The following SEM1 variants were observed in gnomAD, a reference collection of about 807,000 sequenced individuals.
The protein encoded by SEM1 is SEM1 26S proteasome subunit, also known as 26S proteasome complex subunit SEM1.
A neutral mutation model predicts 12.7 loss-of-function variants in SEM1; 3 were observed. The ratio of observed to expected loss-of-function variants is 0.24; its 90% CI spans 0.11 to 0.61. The LOEUF (loss-of-function observed/expected upper bound fraction) is 0.61, where lower values mean the gene tolerates loss of function less well. Among genes scored for constraint, SEM1 ranks in the 20% least tolerant of loss-of-function variants. The pLI is 0.88. For missense variants in SEM1, 59 were observed against 81.3 expected (o/e 0.73, Z 1.06); for synonymous variants, 30 against 27.8 (o/e 1.08, Z -0.25).
At chr7:96,601,213 G>A (rs1807187981) in intron 2 of SEM1, among the ~76,000 whole-genome samples, 2 of 152,186 alleles carry the variant, frequency 1.3e-5, no homozygotes, top group South Asian at 2.1e-4. Flanking sequence ...GGAACTTGGA[G>A]TTCATTAAGG....
chr7:96,616,093 T>C (rs748948255), intron 2 of SEM1, among the ~76,000 whole-genome samples: 1 of 152,198 alleles, frequency 6.6e-6, no homozygotes, highest in Non-Finnish European at 1.5e-5. Context: ...GGTACTTCTA[T>C]TTTCAGCTCT....
At chr7:96,560,253 T>C (rs1190785219) in intron 2 of SEM1, among the ~76,000 whole-genome samples, 1 of 152,218 alleles carries the variant, frequency 6.6e-6, no homozygotes, top group Non-Finnish European at 1.5e-5. Context: ...ACATATTGAT[T>C]AATTGCTCCT....
intron 2 of SEM1, among the ~76,000 whole-genome samples, chr7:96,562,871 T>C (rs1386247313): frequency 6.6e-6 from 1 of 152,178 alleles, no homozygotes; most frequent in African/African-American, 2.4e-5. Context: ...CTAAGCTTAG[T>C]GCAAATCATC....
chr7:96,590,405 T>G lies in SEM1; in HGVS notation c.171-83707A>C, dbSNP rs536699815. Among the ~76,000 whole-genome samples, 147 of 152,332 alleles carry G rather than the reference T, an allele frequency of 9.6e-4. 1 individual carries two copies. Among genetic ancestry groups the G allele is most frequent in the Non-Finnish European group, 1.6e-3 (106 of 68,024 alleles). On this transcript the variant is annotated intron_variant and NMD_transcript_variant, in intron 2 of 3. Coordinates refer to the SEM1 transcript ENST00000466986. ...AACTTAACTCCTTTGCCATTTTTAT[T>G]TCTACAAGTCACAGGAAACTCCACG... is the stretch of plus-strand genomic sequence containing the variant.
chr7:96,684,634 A>G (rs957226037), downstream of SEM1, among the ~76,000 whole-genome samples: 2 of 152,092 alleles, frequency 1.3e-5, no homozygotes, highest in African/African-American at 2.4e-5. Context: ...ATAAGTTTCT[A>G]TATTTTTGGC....
At chr7:96,547,752 G>A (rs986956162) in intron 2 of SEM1, among the ~76,000 whole-genome samples, 1 of 152,110 alleles carries the variant, frequency 6.6e-6, no homozygotes, top group Admixed American at 6.6e-5. Flanking sequence ...GATAGGAGTT[G>A]TAAAGTGGTA....
chr7:96,529,014 TAC>T, intron 2 of SEM1, among the ~76,000 whole-genome samples: 1 of 152,260 alleles, frequency 6.6e-6, no homozygotes. Context: ...CTATTGCCAA[TAC>T]AGTCTATCCT....
At chr7:96,501,335 A>G (rs1584714742), upstream of SEM1, among the ~76,000 whole-genome samples, 1 of 152,122 alleles carries the variant, frequency 6.6e-6, no homozygotes, top group Non-Finnish European at 1.5e-5. Context: ...ACCTTTAGTA[A>G]TATTAACTCC....
chr7:96,494,989 G>A (rs1803183678), intron 1 of SEM1, among the ~76,000 whole-genome samples: 1 of 127,782 alleles, frequency 7.8e-6, no homozygotes, highest in African/African-American at 3.0e-5. Context: ...GAAATTTTAT[G>A]AATATGTCAC....
chr7:96,696,101 T>G (rs146589778), intron 1 of SEM1: 175 of 152,034 alleles, frequency 1.2e-3, no homozygotes, highest in African/African-American at 4.1e-3. Flanking sequence ...TGGTACAATT[T>G]TTTTAGTTTA....
At chr7:96,555,066 C>A (rs367862412) in intron 2 of SEM1, among the ~76,000 whole-genome samples, 1 of 150,400 alleles carries the variant, frequency 6.6e-6, no homozygotes, top group African/African-American at 2.4e-5. Flanking sequence ...TTTTTTATTG[C>A]GTCTATTTGA....
intron 2 of SEM1, among the ~76,000 whole-genome samples, chr7:96,641,818 G>T (rs1563094393): frequency 6.6e-6 from 1 of 150,910 alleles, no homozygotes. Flanking sequence ...CTATTCTTGT[G>T]CTTTTTTTTA....
intron 2 of SEM1, among the ~76,000 whole-genome samples, chr7:96,628,271 C>T (rs1273395838): frequency 6.6e-6 from 1 of 151,984 alleles, no homozygotes; most frequent in East Asian, 1.9e-4. Flanking sequence ...CTTACTCCTG[C>T]CATTTTGTTA....
chr7:96,578,487 G>A (rs1806280206), intron 2 of SEM1, among the ~76,000 whole-genome samples: 1 of 152,084 alleles, frequency 6.6e-6, no homozygotes, highest in Non-Finnish European at 1.5e-5. Context: ...TGTATAGCCA[G>A]TGAAACATCT....
intron 2 of SEM1, among the ~76,000 whole-genome samples, chr7:96,692,460 C>T (rs919074146): frequency 1.3e-5 from 2 of 152,074 alleles, no homozygotes; most frequent in African/African-American, 4.8e-5. Flanking sequence ...AATAAATAGT[C>T]TAATAGCATA....
chr7:96,640,356 CT>C lies in SEM1; in HGVS notation c.171-17714del, dbSNP rs1369297962. ...CTTCCGTAGATGAATGAAAAATAAA[CT>C]GTGGTACATAAAGATAATGGACTAT... is the stretch of plus-strand genomic sequence containing the variant. On this transcript the variant is annotated intron_variant, in intron 2 of 2. Coordinates refer to the SEM1 transcript ENST00000417009. The surrounding 1 kb of genome is among the most constrained non-coding windows in gnomAD (Gnocchi z 4.0). Among the ~76,000 whole-genome samples the C allele has an allele frequency of 6.6e-6, 1 of 151,922 alleles. No homozygotes were observed. Among genetic ancestry groups the C allele is most frequent in the Admixed American group, 6.6e-5 (1 of 15,214 alleles).
In SEM1 at chr7:96,659,921, A is replaced by AAAC. The variant is rs1554430845; in HGVS notation, c.170+34876_170+34877insGTT. ...GAAAGAAAGTAAGATGGCAAAAAAA[A>AAAC]AAAAAAAAACAAAAACAAGCCCAAA... On this transcript the variant is annotated intron_variant, in intron 2 of 2. Coordinates refer to the SEM1 transcript ENST00000417009. Among the ~76,000 whole-genome samples the AAAC allele has an allele frequency of 1.1e-3, 157 of 148,406 alleles. 3 individuals are homozygous for AAAC. In the East Asian group the frequency reaches 0.024, roughly 23 times the overall value.
chr7:96,499,955 A>C (rs1222444432), upstream of SEM1, among the ~76,000 whole-genome samples: 1 of 152,212 alleles, frequency 6.6e-6, no homozygotes, highest in Non-Finnish European at 1.5e-5. Context: ...AACATCAAAT[A>C]ATTAGTAAGG....
downstream of SEM1, among the ~76,000 whole-genome samples, chr7:96,684,912 A>G (rs1789719766): frequency 6.6e-6 from 1 of 152,120 alleles, no homozygotes; most frequent in Non-Finnish European, 1.5e-5. Flanking sequence ...GGATACAGCA[A>G]GAAGTAAACT....
Sources: allele counts gnomAD v4.1 joint callset (sites outside exome capture counted in the v4.1 genomes callset), GRCh38; gene constraint gnomAD v4.1.1; non-coding constraint Gnocchi (gnomAD v3.1); transcripts MANE v1.5; gene names NCBI Gene and HGNC (gene_info 2026-07-23, HGNC 2026-07-21).